ZNF599: variants seen among roughly 807,000 people sequenced by gnomAD.
The protein encoded by ZNF599 is zinc finger protein 599.
ZNF599 carries 10 observed loss-of-function variants against 11.7 expected under a neutral mutation model. The observed-to-expected ratio is 0.86, with a 90% CI of 0.53 to 1.45. The LOEUF is 1.45. Among genes scored for constraint, ZNF599 ranks in the 40% most tolerant of loss-of-function variants. The pLI, the probability that ZNF599 is intolerant of heterozygous loss-of-function variation, is 0.00. For synonymous variants in ZNF599, 232 were observed against 253.2 expected (o/e 0.92, Z 0.79); for missense variants, 688 against 713.6 (o/e 0.96, Z 0.41).
chr19:34,794,532 T>C, the ZNF599 span, among the ~76,000 whole-genome samples: 1 of 152,112 alleles, frequency 6.6e-6, no homozygotes, highest in Non-Finnish European at 1.5e-5. Context: ...TTCGACCTCA[T>C]TCCCCCCTCA....
chr19:34,806,540 A>G, the ZNF599 span, among the ~76,000 whole-genome samples: 1 of 152,206 alleles, frequency 6.6e-6, no homozygotes, highest in Non-Finnish European at 1.5e-5. Flanking sequence ...AGAACAGTAG[A>G]AAAGTAAATA....
the ZNF599 span, among the ~76,000 whole-genome samples, chr19:34,796,863 C>T: frequency 6.7e-3 from 1,014 of 152,166 alleles, 9 homozygotes; most frequent in African/African-American, 0.023. Context: ...ATGCACAAAA[C>T]GGCTATGGGT....
the ZNF599 span, among the ~76,000 whole-genome samples, chr19:34,794,170 A>G: frequency 6.6e-6 from 1 of 152,184 alleles, no homozygotes; most frequent in African/African-American, 2.4e-5. Context: ...AGCATGGGAA[A>G]GACCCCTCCC....
chr19:34,766,094 AGGCATGATGAGTGTG>A (rs1426223562), intron 3 of ZNF599, among the ~76,000 whole-genome samples: 6 of 152,168 alleles, frequency 3.9e-5, no homozygotes, highest in African/African-American at 1.4e-4. Flanking sequence ...AGGTCCTTTT[AGGCATGATGAGTGTG>A]AGGTGCCTCT....
At chr19:34,771,686 T>C (rs1196896378) in intron 1 of ZNF599, among the ~76,000 whole-genome samples, 1 of 151,572 alleles carries the variant, frequency 6.6e-6, no homozygotes, top group African/African-American at 2.4e-5. Context: ...CATGGTGGGG[T>C]ATGGGGTGGG....
At chr19:34,779,273 A>ATTTTTTTTTTTTTTTTTTGTTT in the ZNF599 span, 1 of 89,270 alleles carries the variant, frequency 1.1e-5, no homozygotes, top group Non-Finnish European at 2.1e-5. Context: ...TTTTTTTTTC[A>ATTTTTTTTTTTTTTTTTTGTTT]TTTTTTGAAG....
At chr19:34,783,318 G>A in the ZNF599 span, among the ~76,000 whole-genome samples, 1 of 152,242 alleles carries the variant, frequency 6.6e-6, no homozygotes, top group African/African-American at 2.4e-5. Context: ...GGGGCAGGAG[G>A]TTTTATTGTG....
Position 34,760,181 on chromosome 19 carries a change from C to A in ZNF599, c.620G>T (p.Gly207Val), listed in dbSNP as rs1193996597. 2.5e-6 allele frequency: 4 copies of A among 1,614,148 alleles called. No homozygotes were observed. The Admixed American group carries it at 6.7e-5, about 27-fold the overall frequency. Residue 207 changes from glycine (G) to valine (V), a missense_variant, in exon 4 of 4, where the codon GGG (glycine) becomes GTG (valine). Coordinates refer to ENST00000329285, the MANE Select transcript of ZNF599 (RefSeq NM_001007248.3). ...NPYTCTECGK[G>V]FSKKWALVRH... ...AACAAGGGCCCACTTCTTGCTAAAC[C>A]CTTTCCCACATTCCGTGCATGTGTA... is the stretch of plus-strand genomic sequence containing the variant.
At chr19:34,765,447 G>T (rs537960883) in intron 3 of ZNF599, 6 of 651,802 alleles carry the variant, frequency 9.2e-6, no homozygotes, top group South Asian at 6.9e-5. Context: ...CAGCTAAGCT[G>T]TGCCTGGACT....
At chr19:34,781,980 G>T in the ZNF599 span, among the ~76,000 whole-genome samples, 1 of 152,186 alleles carries the variant, frequency 6.6e-6, no homozygotes, top group Non-Finnish European at 1.5e-5. Flanking sequence ...TCAAGAATGG[G>T]GAAGGAGTGA....
the ZNF599 span, among the ~76,000 whole-genome samples, chr19:34,783,011 G>A: frequency 6.6e-6 from 1 of 152,284 alleles, no homozygotes; most frequent in Admixed American, 6.5e-5. Flanking sequence ...TGACACTGGT[G>A]TTCACTCCCA....
At chr19:34,802,256 T>G in the ZNF599 span, among the ~76,000 whole-genome samples, 34 of 152,300 alleles carry the variant, frequency 2.2e-4, no homozygotes, top group African/African-American at 7.7e-4. Flanking sequence ...GCAGCTGTTG[T>G]GAACTCATAG....
chr19:34,767,463 A>G, intron 2 of ZNF599, 52 bp from the exon 3 acceptor site: 3 of 1,472,036 alleles, frequency 2.0e-6, no homozygotes, highest in Non-Finnish European at 2.8e-6. Context: ...GACAAAAAGA[A>G]AAGTCTGAGG....
chr19:34,765,922 G>A (rs114884969), intron 3 of ZNF599, among the ~76,000 whole-genome samples: 1,981 of 152,222 alleles, frequency 0.013, 29 homozygotes, highest in African/African-American at 0.046. Context: ...AACTAGTGAA[G>A]GTGAGGATTC....
At chr19:34,784,073 A>G in the ZNF599 span, among the ~76,000 whole-genome samples, 3 of 152,244 alleles carry the variant, frequency 2.0e-5, no homozygotes, top group Admixed American at 1.3e-4. Flanking sequence ...GAAATTGATT[A>G]TCTGACAGTC....
In ZNF599 at chr19:34,760,508, A is replaced by G. The variant is rs563852409; in HGVS notation, c.293T>C (p.Phe98Ser). 40 of 1,614,134 alleles carry G rather than the reference A, an allele frequency of 2.5e-5. No individual in the cohort carries two copies. In the East Asian group the frequency reaches 7.4e-4, roughly 30 times the overall value. ...TTCCTGGAAAGAGGATTCCTCAGAGAAGGCCAGCTGAGAAGCAGTAGGCTC... is the reference window on the plus strand; with the variant it reads ...TTCCTGGAAAGAGGATTCCTCAGAGGAGGCCAGCTGAGAAGCAGTAGGCTC... ...ITEPTASQLA[F>S]SEESSFQELL... Residue 98 changes from phenylalanine (F) to serine (S), a missense_variant, in exon 4 of 4, where the codon TTC (phenylalanine) becomes TCC (serine). Coordinates refer to ENST00000329285, the MANE Select transcript of ZNF599 (RefSeq NM_001007248.3).
intron 2 of ZNF599, among the ~76,000 whole-genome samples, chr19:34,767,828 G>A (rs1362068881): frequency 5.9e-5 from 9 of 152,182 alleles, no homozygotes; most frequent in African/African-American, 1.9e-4. Context: ...AAGGATACTG[G>A]CCAGGGCCCT....
At chr19:34,789,383 C>G in the ZNF599 span, among the ~76,000 whole-genome samples, 3 of 152,196 alleles carry the variant, frequency 2.0e-5, no homozygotes, top group Non-Finnish European at 4.4e-5. Flanking sequence ...AGAGGGACTA[C>G]TGGATCACAT....
chr19:34,778,676 G>C, the ZNF599 span, among the ~76,000 whole-genome samples: 1 of 152,152 alleles, frequency 6.6e-6, no homozygotes, highest in Non-Finnish European at 1.5e-5. Flanking sequence ...TGTGTCTATA[G>C]CTTTACATTG....
Sources: gnomAD v4.1 joint callset for allele counts (sites outside exome capture counted in the v4.1 genomes callset) on GRCh38, gnomAD v4.1.1 for gene constraint, MANE v1.5 for transcripts, NCBI Gene and HGNC (gene_info 2026-07-23, HGNC 2026-07-21) for gene names.